Variants in MRPL33 observed in about 807,000 individuals in gnomAD.
MRPL33 encodes large ribosomal subunit protein bL33m.
MRPL33 carries 5 observed loss-of-function variants against 10.1 expected under a neutral mutation model. That is an observed-to-expected ratio of 0.49 (90% CI 0.26 to 1.04). The LOEUF (loss-of-function observed/expected upper bound fraction) is 1.04, where lower values mean the gene tolerates loss of function less well. MRPL33 is among the 50% of genes least tolerant of loss of function. The pLI is 0.14. For missense variants in MRPL33, 79 were observed against 78.1 expected (o/e 1.01, Z -0.04); for synonymous variants, 24 against 27.7 (o/e 0.87, Z 0.42).
intron 3 of MRPL33, among the ~76,000 whole-genome samples, chr2:27,776,748 A>G (rs1183764235): frequency 6.6e-6 from 1 of 152,254 alleles, no homozygotes; most frequent in Non-Finnish European, 1.5e-5. Context: ...GATTTTGGTT[A>G]GATGTAGGGA....
intron 1 of MRPL33, 188 bp downstream of exon 1, chr2:27,771,987 G>T: frequency 1.6e-6 from 1 of 625,244 alleles, no homozygotes. Context: ...GCGGACCTGT[G>T]GGTGCCTGAG....
intron 3 of MRPL33, 22 bp from the exon 4 acceptor site, chr2:27,779,411 A>AT (rs753077987): frequency 1.5e-4 from 233 of 1,567,108 alleles, no homozygotes; most frequent in Admixed American, 4.2e-4. Flanking sequence ...TTCTGCCACA[A>AT]TTTTTTTTTC....
rs185695109 is a variant in MRPL33, at chr2:27,778,671, C to A, written c.149-762C>A. On this transcript the variant is annotated intron_variant, in intron 3 of 3. Coordinates refer to ENST00000296102, the MANE Select transcript of MRPL33 (RefSeq NM_004891.4). ...CCGGGTTCAAGTGATTCTCCTGCGC[C>A]AGCCTCCCGCGTAGCTGGGATTACA... 4.6e-5 allele frequency among the ~76,000 whole-genome samples: 7 copies of A among 152,256 alleles called. No individual in the cohort carries two copies. In the East Asian group the frequency reaches 1.4e-3, roughly 29 times the overall value.
chr2:27,777,160 C>T (rs1200689009), intron 3 of MRPL33, among the ~76,000 whole-genome samples: 1 of 152,168 alleles, frequency 6.6e-6, no homozygotes, highest in South Asian at 2.1e-4. Context: ...GATTACAGGC[C>T]TGAGCCATTG....
intron 3 of MRPL33, among the ~76,000 whole-genome samples, chr2:27,775,350 A>ATTTTTTTT (rs67199907): frequency 8.1e-6 from 1 of 123,052 alleles, no homozygotes; most frequent in Non-Finnish European, 1.6e-5. Context: ...TTTATAATTA[A>ATTTTTTTT]TTTTTTTTTT....
At chr2:27,778,041 T>C (rs997364417) in intron 3 of MRPL33, among the ~76,000 whole-genome samples, 3 of 152,238 alleles carry the variant, frequency 2.0e-5, no homozygotes, top group South Asian at 4.1e-4. Flanking sequence ...TGATTTGAAG[T>C]ATGTTAAAAA....
chr2:27,774,484 A>G lies in MRPL33; in HGVS notation c.102A>G (p.Arg34=). 7.4e-6 allele frequency: 12 copies of G among 1,614,154 alleles called. No individual in the cohort carries two copies. Among genetic ancestry groups the G allele is most frequent in the Non-Finnish European group, 1.0e-5 (12 of 1,179,986 alleles). The change falls in exon 3 of 4, where the codon AGA becomes AGG. Residue 34 remains arginine (R), a synonymous_variant. Coordinates refer to ENST00000296102, the MANE Select transcript of MRPL33 (RefSeq NM_004891.4). ...AGTGFCFNTK[R]NRLREKLTLL... ...CAGGTTTCTGCTTCAACACCAAGAG[A>G]AACCGACTGCGGGAAAAACTGACTC...
intron 1 of MRPL33, 111 bp from the exon 2 acceptor site, chr2:27,772,563 C>A: frequency 1.2e-6 from 1 of 818,334 alleles, no homozygotes; most frequent in Non-Finnish European, 1.9e-6. Flanking sequence ...TGGCATATTT[C>A]ATAAGTTAAA....
chr2:27,777,371 CTTTTTTTT>C (rs11337446), intron 3 of MRPL33, among the ~76,000 whole-genome samples: 4 of 125,610 alleles, frequency 3.2e-5, no homozygotes, highest in African/African-American at 1.2e-4. Context: ...TAATCTAAAA[CTTTTTTTT>C]TTTTTTTTTT....
At chr2:27,772,724 A>C (rs764539897) in intron 2 of MRPL33, 32 bp downstream of exon 2, 134 of 1,565,658 alleles carry the variant, frequency 8.6e-5, no homozygotes, top group Non-Finnish European at 1.1e-4. Flanking sequence ...TTTAAACGTC[A>C]CTTGTTTATG....
intron 2 of MRPL33, 99 bp from the exon 3 acceptor site, chr2:27,774,325 A>G: frequency 1.1e-6 from 1 of 928,726 alleles, no homozygotes; most frequent in Non-Finnish European, 1.7e-6. Context: ...TCTCACAACT[A>G]ATATTACCCT....
At chr2:27,772,074 C>T in intron 1 of MRPL33, 1 of 447,032 alleles carries the variant, frequency 2.2e-6, no homozygotes, top group Non-Finnish European at 4.0e-6. Flanking sequence ...TTTTCTCCAG[C>T]CCGTGTTAGG....
rs568596261 is a variant in MRPL33 at position 27,773,155 on chromosome 2, A to G, written c.41+463A>G. 6.6e-5 allele frequency among the ~76,000 whole-genome samples: 10 copies of G among 152,330 alleles called. No homozygotes were observed. In the South Asian group the frequency reaches 1.9e-3, roughly 28 times the overall value. The stretch of plus-strand genomic sequence containing the variant: ...TTTGCATTCATGGTATAAGCATTTC[A>G]AAAATAGCCAAGATTAAAGATTCCA... On this transcript the variant is annotated intron_variant, in intron 2 of 3. Coordinates refer to ENST00000296102, the MANE Select transcript of MRPL33 (RefSeq NM_004891.4).
chr2:27,773,231 T>C (rs1677086355), intron 2 of MRPL33, among the ~76,000 whole-genome samples: 1 of 152,344 alleles, frequency 6.6e-6, no homozygotes. Flanking sequence ...AAAATAAATG[T>C]TGTAGACAAT....
chr2:27,779,485 G>T lies in MRPL33; in HGVS notation c.*3G>T. On this transcript the variant is annotated 3_prime_UTR_variant, in exon 4 of 4. Coordinates refer to ENST00000296102, the MANE Select transcript of MRPL33 (RefSeq NM_004891.4). ...AGAAAAAAATACGCTCCCTTTAAACGGTGGATTGAAAATGACTTTGATTTA... is the reference window on the plus strand; with the variant it reads ...AGAAAAAAATACGCTCCCTTTAAACTGTGGATTGAAAATGACTTTGATTTA... 6.2e-7 allele frequency: 1 copy of T among 1,613,450 alleles called. No individual in the cohort carries two copies. Among genetic ancestry groups the T allele is most frequent in the South Asian group, 1.1e-5 (1 of 90,936 alleles).
chr2:27,776,077 A>C (rs1224455958), intron 3 of MRPL33, among the ~76,000 whole-genome samples: 1 of 152,256 alleles, frequency 6.6e-6, no homozygotes, highest in Admixed American at 6.5e-5. Flanking sequence ...TAGGAACTTA[A>C]TAATTGTCAG....
rs767839644 is a variant in MRPL33 at position 27,771,767 on chromosome 2, G to C, written c.-11G>C. 1.2e-6 allele frequency: 2 copies of C among 1,614,064 alleles called. No individual in the cohort carries two copies. Among genetic ancestry groups the C allele is most frequent in the East Asian group, 4.5e-5 (2 of 44,892 alleles). ...TTGGCCGGTGACGGAGACTGCCCAG[G>C]TGTGGTCACCATGTTCCTCTCCGCG... is the stretch of plus-strand genomic sequence containing the variant. On this transcript the variant is annotated 5_prime_UTR_variant, in exon 1 of 4. Coordinates refer to ENST00000296102, the MANE Select transcript of MRPL33 (RefSeq NM_004891.4).
intron 3 of MRPL33, among the ~76,000 whole-genome samples, chr2:27,776,737 C>T (rs969511957): frequency 3.3e-5 from 5 of 152,172 alleles, no homozygotes; most frequent in Non-Finnish European, 5.9e-5. Context: ...GAAGCAGAAT[C>T]GATTTTGGTT....
intron 1 of MRPL33, chr2:27,772,429 A>T (rs1677066985): frequency 2.3e-6 from 1 of 438,066 alleles, no homozygotes; most frequent in Non-Finnish European, 4.0e-6. Context: ...TCCAACAGTC[A>T]TGAAATTATG....
Sources: gnomAD v4.1 joint callset for allele counts (sites outside exome capture counted in the v4.1 genomes callset) on GRCh38, gnomAD v4.1.1 for gene constraint, MANE v1.5 for transcripts, NCBI Gene and HGNC (gene_info 2026-07-23, HGNC 2026-07-21) for gene names.